The following TMEM132B variants were observed in gnomAD, a reference collection of about 807,000 sequenced individuals.
The protein encoded by TMEM132B is transmembrane protein 132B.
Under a neutral mutation model 90.8 loss-of-function variants are expected in TMEM132B, and 18 were observed. That is an observed-to-expected ratio of 0.20 (90% CI 0.14 to 0.29). TMEM132B has a LOEUF of 0.29. Ranked by LOEUF, TMEM132B falls within the 10% of genes least tolerant of loss-of-function variation. The probability of loss-of-function intolerance (pLI) is 1.00; values close to 1 mark genes in which losing one functional copy is unlikely to be tolerated. For synonymous variants in TMEM132B, 504 were observed against 523.3 expected (o/e 0.96, Z 0.50); for missense variants, 1,096 against 1,326.8 (o/e 0.83, Z 2.70).
intron 1 of TMEM132B, among the ~76,000 whole-genome samples, chr12:125,346,748 C>A (rs1193670166): frequency 6.6e-6 from 1 of 152,190 alleles, no homozygotes; most frequent in Non-Finnish European, 1.5e-5. Context: ...CCTGTATGGA[C>A]ATCATTCTGG....
chr12:125,258,598 C>T (rs958717594), intron 1 of TMEM132B, among the ~76,000 whole-genome samples: 3 of 152,080 alleles, frequency 2.0e-5, no homozygotes, highest in Non-Finnish European at 2.9e-5. Context: ...AGTCACATAG[C>T]ATCACTTGTA....
intron 1 of TMEM132B, among the ~76,000 whole-genome samples, chr12:125,234,764 G>C (rs191649509): frequency 6.6e-6 from 1 of 152,182 alleles, no homozygotes; most frequent in African/African-American, 2.4e-5. Context: ...CACCTAAAAT[G>C]ATAACACCTC....
intron 4 of TMEM132B, among the ~76,000 whole-genome samples, chr12:125,535,897 C>A (rs1047558881): frequency 1.3e-5 from 2 of 152,182 alleles, no homozygotes; most frequent in Admixed American, 1.3e-4. Context: ...GGCGGCTGAA[C>A]ACAGTCTACT....
intron 1 of TMEM132B, among the ~76,000 whole-genome samples, chr12:125,215,832 G>A (rs1222352533): frequency 6.6e-6 from 1 of 152,216 alleles, no homozygotes; most frequent in Non-Finnish European, 1.5e-5. Flanking sequence ...GTGAGCCACT[G>A]CACTGGCCCT....
At chr12:125,613,853 A>AGGGTTATTAACTTCCTCAGGTTAG (rs1474450062) in intron 5 of TMEM132B, among the ~76,000 whole-genome samples, 3 of 152,046 alleles carry the variant, frequency 2.0e-5, no homozygotes, top group African/African-American at 7.2e-5. Flanking sequence ...TTCCTCAGGT[A>AGGGTTATTAACTTCCTCAGGTTAG]CCATTTCTGG....
chr12:125,581,409 C>T (rs1229234615), intron 4 of TMEM132B, among the ~76,000 whole-genome samples: 3 of 152,174 alleles, frequency 2.0e-5, no homozygotes, highest in African/African-American at 7.2e-5. Flanking sequence ...ACCTGGAAAT[C>T]TTTCCCAGGA....
chr12:125,650,859 T>C lies in TMEM132B; in HGVS notation c.1820T>C (p.Val607Ala), dbSNP rs772055081. 1.7e-5 allele frequency: 27 copies of C among 1,614,046 alleles called. No homozygotes were observed. The highest frequency in any genetic ancestry group is 2.1e-5 in the Non-Finnish European group (25 of 1,180,056). The change falls in exon 7 of 9, where the codon GTG becomes GCG. Residue 607 changes from valine to alanine, a missense_variant. Coordinates refer to ENST00000682704, the MANE Select transcript of TMEM132B (RefSeq NM_001366854.1). Reference sequence around the variant, plus strand: ...TGGCAGTTTGACATCACTGACCTTGTGACCGAGTTCATGAAGGTGGAGGAG... The same window carrying C: ...TGGCAGTTTGACATCACTGACCTTGCGACCGAGTTCATGAAGGTGGAGGAG... ...PDWQFDITDLVTEFMKVEEPK... is the reference protein window; with the variant it reads ...PDWQFDITDLATEFMKVEEPK...
At chr12:125,604,991 C>A (rs1593017596) in intron 5 of TMEM132B, among the ~76,000 whole-genome samples, 1 of 152,108 alleles carries the variant, frequency 6.6e-6, no homozygotes, top group Non-Finnish European at 1.5e-5. Flanking sequence ...TTGGGGGTGA[C>A]AGAAGAGGTG....
At chr12:125,488,618 G>A (rs879924102) in intron 3 of TMEM132B, among the ~76,000 whole-genome samples, 59 of 152,182 alleles carry the variant, frequency 3.9e-4, no homozygotes, top group Admixed American at 5.2e-4. Context: ...TTTGCCTCCT[G>A]CCATGATTGT....
rs1476841168 is a variant in TMEM132B, at chr12:125,492,052, G to A, written c.1107-27387G>A. 2.0e-5 allele frequency among the ~76,000 whole-genome samples: 3 copies of A among 152,136 alleles called. No homozygotes were observed. Among genetic ancestry groups the A allele is most frequent in the East Asian group, 3.9e-4 (2 of 5,174 alleles). The stretch of plus-strand genomic sequence containing the variant: ...ATTTTCAGGGTATTACTGGAAAAGG[G>A]GAAAATTTAATCAAGGAGGATCAAT... On this transcript the variant is annotated intron_variant, in intron 3 of 8. Coordinates refer to ENST00000682704, the MANE Select transcript of TMEM132B (RefSeq NM_001366854.1). This position sits in a 1 kb window ranked among gnomAD's most constrained non-coding sequence, Gnocchi z 5.8.
At chr12:125,267,851 T>C (rs1325587120) in intron 1 of TMEM132B, among the ~76,000 whole-genome samples, 2 of 152,186 alleles carry the variant, frequency 1.3e-5, no homozygotes, top group Admixed American at 1.3e-4. Flanking sequence ...ATTTTTTCAA[T>C]CTTGGTTCGG....
chr12:125,531,175 CTTTTTGTTTTG>C (rs1566065091), intron 4 of TMEM132B, among the ~76,000 whole-genome samples: 2 of 152,024 alleles, frequency 1.3e-5, no homozygotes, highest in African/African-American at 2.4e-5. Context: ...TTTTTCTTTT[CTTTTTGTTTTG>C]TTTTTGTTTT....
At chr12:125,503,406 A>T (rs1592959682) in intron 3 of TMEM132B, among the ~76,000 whole-genome samples, 1 of 151,990 alleles carries the variant, frequency 6.6e-6, no homozygotes, top group African/African-American at 2.4e-5. Context: ...TTTTCATCCT[A>T]TTGTTTCAGG....
chr12:125,470,276 T>G (rs1482515077), intron 3 of TMEM132B, among the ~76,000 whole-genome samples: 2 of 152,172 alleles, frequency 1.3e-5, no homozygotes, highest in East Asian at 1.9e-4. Flanking sequence ...AACCATCAAC[T>G]GCAGACAGTG....
intron 3 of TMEM132B, among the ~76,000 whole-genome samples, chr12:125,420,436 G>A (rs961836985): frequency 6.6e-6 from 1 of 152,206 alleles, no homozygotes; most frequent in African/African-American, 2.4e-5. Context: ...GCCATGATCC[G>A]ACCTTTACTT....
In TMEM132B at chr12:125,393,305, A is replaced by G. The variant is rs568490235; in HGVS notation, c.960-22226A>G. On this transcript the variant is annotated intron_variant, in intron 2 of 8. Coordinates refer to ENST00000682704, the MANE Select transcript of TMEM132B (RefSeq NM_001366854.1). The stretch of plus-strand genomic sequence containing the variant: ...GAATGATACAAAAACCTAACAAGAT[A>G]TGTCATTTCTACTGTTATGGGTCTT... Among the ~76,000 whole-genome samples, 240 of 152,348 alleles carry G rather than the reference A, an allele frequency of 1.6e-3. 2 individuals are homozygous for G. Among genetic ancestry groups the G allele is most frequent in the African/African-American group, 5.5e-3 (227 of 41,588 alleles).
intron 3 of TMEM132B, among the ~76,000 whole-genome samples, chr12:125,464,734 A>G (rs2136480789): frequency 6.6e-6 from 1 of 152,332 alleles, no homozygotes; most frequent in Middle Eastern, 3.4e-3. Flanking sequence ...TCTTGAAGTT[A>G]CTCAATTGCC....
intron 5 of TMEM132B, among the ~76,000 whole-genome samples, chr12:125,602,447 A>G (rs1462495854): frequency 6.6e-6 from 1 of 152,040 alleles, no homozygotes; most frequent in Non-Finnish European, 1.5e-5. Flanking sequence ...TAAACTAGGT[A>G]TTGATGAAAC....
chr12:125,205,620 C>T lies in TMEM132B; in HGVS notation c.67+18754C>T, dbSNP rs562925031. On this transcript the variant is annotated intron_variant, in intron 1 of 8. Coordinates refer to ENST00000682704, the MANE Select transcript of TMEM132B (RefSeq NM_001366854.1). Reference sequence around the variant, plus strand: ...TGTGACTTGACCAGAGCAGCTGGGGCGGGCATGGCCGGGGCTGCTGGGCCT... The same window carrying T: ...TGTGACTTGACCAGAGCAGCTGGGGTGGGCATGGCCGGGGCTGCTGGGCCT... Among the ~76,000 whole-genome samples the T allele has an allele frequency of 1.6e-4, 25 of 152,272 alleles. No homozygotes were observed. In the South Asian group the frequency reaches 2.7e-3, roughly 16 times the overall value.
Sources: gnomAD v4.1 joint callset for allele counts (sites outside exome capture counted in the v4.1 genomes callset) on GRCh38, gnomAD v4.1.1 for gene constraint, Gnocchi (gnomAD v3.1) non-coding constraint, MANE v1.5 for transcripts, NCBI Gene and HGNC (gene_info 2026-07-23, HGNC 2026-07-21) for gene names.